TBL1XR1: variants seen among roughly 807,000 people sequenced by gnomAD.
TBL1XR1 encodes the protein F-box-like/WD repeat-containing protein TBL1XR1.
Under a neutral mutation model 66.9 loss-of-function variants are expected in TBL1XR1, and 5 were observed. The ratio of observed to expected loss-of-function variants is 0.07; its 90% CI spans 0.04 to 0.16. TBL1XR1 has a LOEUF of 0.16. Among genes scored for constraint, TBL1XR1 ranks in the 10% least tolerant of loss-of-function variants. The pLI is 1.00. For missense variants in TBL1XR1, 238 were observed against 623.2 expected, an observed-to-expected ratio of 0.38 and a Z score of 6.58; for synonymous variants, 210 against 206.0, an observed-to-expected ratio of 1.02 and a Z score of -0.17.
chr3:177,159,945 A>G (rs1405243703), intron 1 of TBL1XR1, among the ~76,000 whole-genome samples: 1 of 152,224 alleles, frequency 6.6e-6, no homozygotes, highest in Non-Finnish European at 1.5e-5. Flanking sequence ...TAATACCACC[A>G]CATTAATGCA....
intron 14 of TBL1XR1, among the ~76,000 whole-genome samples, chr3:177,028,695 G>A (rs1343289772): frequency 6.6e-6 from 1 of 152,062 alleles, no homozygotes; most frequent in Non-Finnish European, 1.5e-5. Flanking sequence ...ATAAATTCAA[G>A]GCACTCATAA....
chr3:177,185,294 C>G (rs1171138365), intron 1 of TBL1XR1, among the ~76,000 whole-genome samples: 1 of 152,186 alleles, frequency 6.6e-6, no homozygotes, highest in Non-Finnish European at 1.5e-5. Context: ...CCTTTCCAGT[C>G]TTCTACCCCT....
chr3:177,036,096 G>A (rs914268212), intron 12 of TBL1XR1, among the ~76,000 whole-genome samples: 1 of 152,182 alleles, frequency 6.6e-6, no homozygotes, highest in Admixed American at 6.5e-5. Context: ...TAAAGGTAAA[G>A]GAACCAGGCC....
chr3:177,157,438 C>CA (rs1731650910), intron 1 of TBL1XR1, among the ~76,000 whole-genome samples: 1 of 152,222 alleles, frequency 6.6e-6, no homozygotes, highest in Non-Finnish European at 1.5e-5. Flanking sequence ...GACTTGCTGG[C>CA]ATGATTTAGT....
intron 7 of TBL1XR1, among the ~76,000 whole-genome samples, chr3:177,049,257 G>T (rs889144044): frequency 7.9e-5 from 12 of 152,294 alleles, no homozygotes; most frequent in African/African-American, 2.9e-4. Context: ...ACATTCATTT[G>T]CTGAGCAAAG....
chr3:177,052,247 A>G (rs1184702617), intron 4 of TBL1XR1, among the ~76,000 whole-genome samples: 1 of 152,226 alleles, frequency 6.6e-6, no homozygotes, highest in African/African-American at 2.4e-5. Flanking sequence ...AAAATTTCCA[A>G]AGCTCTACTT....
intron 1 of TBL1XR1, among the ~76,000 whole-genome samples, chr3:177,177,307 G>T (rs919330721): frequency 6.6e-6 from 1 of 151,950 alleles, no homozygotes; most frequent in African/African-American, 2.4e-5. Context: ...AAAATTAACC[G>T]GGTGTGGTGG....
At chr3:177,035,040 G>GA (rs911773585) in intron 12 of TBL1XR1, among the ~76,000 whole-genome samples, 4 of 151,824 alleles carry the variant, frequency 2.6e-5, no homozygotes, top group South Asian at 2.1e-4. Context: ...GGCCAACCAA[G>GA]AAAAAAATCA....
intron 1 of TBL1XR1, among the ~76,000 whole-genome samples, chr3:177,181,347 G>A (rs1016645001): frequency 6.6e-6 from 1 of 151,920 alleles, no homozygotes; most frequent in Non-Finnish European, 1.5e-5. Context: ...AGGTGTGGTG[G>A]CACACGCCTA....
intron 4 of TBL1XR1, among the ~76,000 whole-genome samples, chr3:177,053,303 T>C (rs1256773890): frequency 6.6e-6 from 1 of 152,098 alleles, no homozygotes; most frequent in Non-Finnish European, 1.5e-5. Flanking sequence ...CAAACTTTAT[T>C]GAGAAAAACA....
At chr3:177,174,893 T>A (rs553472804) in intron 1 of TBL1XR1, among the ~76,000 whole-genome samples, 2 of 152,318 alleles carry the variant, frequency 1.3e-5, no homozygotes, top group South Asian at 4.1e-4. Flanking sequence ...GTCAGAAGAA[T>A]GTCCTTAGGC....
chr3:177,188,294 C>T (rs1735691897), intron 1 of TBL1XR1, among the ~76,000 whole-genome samples: 1 of 152,010 alleles, frequency 6.6e-6, no homozygotes, highest in Admixed American at 6.5e-5. Flanking sequence ...ACCTGTAATC[C>T]CACCAGCACT....
chr3:177,171,097 T>C (rs896391183), intron 1 of TBL1XR1, among the ~76,000 whole-genome samples: 24 of 150,086 alleles, frequency 1.6e-4, no homozygotes, highest in African/African-American at 5.6e-4. Context: ...TCCCAGCACT[T>C]TGGAAGGCCG....
chr3:177,159,169 G>T (rs1173684930), intron 1 of TBL1XR1, among the ~76,000 whole-genome samples: 1 of 151,784 alleles, frequency 6.6e-6, no homozygotes, highest in East Asian at 1.9e-4. Flanking sequence ...AAAAAAAAGA[G>T]AGAAATCAGT....
chr3:177,111,657 G>A (rs1432907866), intron 1 of TBL1XR1, among the ~76,000 whole-genome samples: 1 of 152,078 alleles, frequency 6.6e-6, no homozygotes, highest in Non-Finnish European at 1.5e-5. Flanking sequence ...AATCCACGAA[G>A]GATATGCTGT....
intron 1 of TBL1XR1, among the ~76,000 whole-genome samples, chr3:177,150,433 G>C (rs1195405802): frequency 6.6e-6 from 1 of 152,174 alleles, no homozygotes; most frequent in Non-Finnish European, 1.5e-5. Flanking sequence ...ATGCCTTCAT[G>C]CATGCCAAAT....
chr3:177,027,217 T>G (rs1422345602), intron 14 of TBL1XR1: 1 of 152,362 alleles, frequency 6.6e-6, no homozygotes, highest in Non-Finnish European at 1.5e-5. Flanking sequence ...CAGGCTGGTC[T>G]TGAACTCCTG....
In TBL1XR1 at chr3:177,046,148, T is replaced by C; in HGVS notation, c.906A>G (p.Gln302=). Residue 302 remains glutamine (Q), a synonymous_variant, in exon 10 of 16, where the codon CAA becomes CAG. Coordinates refer to ENST00000457928, the MANE Select transcript of TBL1XR1 (RefSeq NM_024665.7). ...ATTTACCTGAATGAAAAGGAAACTG[T>C]TGCTTGGCTTCACCAGTATGTGCGT... ...IWDAHTGEAK[Q]QFPFHSAPAL... The C allele has an allele frequency of 6.5e-7, 1 of 1,540,646 alleles. No individual in the cohort carries two copies. Among genetic ancestry groups the C allele is most frequent in the Non-Finnish European group, 8.7e-7 (1 of 1,144,362 alleles).
chr3:177,121,960 G>C (rs1014513281), intron 1 of TBL1XR1, among the ~76,000 whole-genome samples: 1 of 152,128 alleles, frequency 6.6e-6, no homozygotes, highest in Non-Finnish European at 1.5e-5. Context: ...GAATCACAAT[G>C]CAAGAGCAAC....
Sources: allele counts gnomAD v4.1 joint callset (sites outside exome capture counted in the v4.1 genomes callset), GRCh38; gene constraint gnomAD v4.1.1; transcripts MANE v1.5; gene names NCBI Gene and HGNC (gene_info 2026-07-23, HGNC 2026-07-21).